Variants in FER observed in about 807,000 individuals in gnomAD.
FER encodes FER tyrosine kinase, also known as tyrosine-protein kinase Fer.
A neutral mutation model predicts 111.0 loss-of-function variants in FER; 63 were observed. The observed-to-expected ratio is 0.57, with a 90% confidence interval of 0.46 to 0.70. The LOEUF (loss-of-function observed/expected upper bound fraction) is 0.70, where lower values mean the gene tolerates loss of function less well. Among genes scored for constraint, FER ranks in the 30% least tolerant of loss-of-function variants. The pLI, the probability that FER is intolerant of heterozygous loss-of-function variation, is 0.00. For synonymous variants in FER, 327 were observed against 313.9 expected (o/e 1.04, Z -0.44); for missense variants, 914 against 954.0 (o/e 0.96, Z 0.55).
intron 13 of FER, among the ~76,000 whole-genome samples, chr5:108,993,266 C>T (rs191075230): frequency 8.5e-5 from 13 of 152,348 alleles, no homozygotes; most frequent in South Asian, 2.1e-4. Flanking sequence ...ACTGAGTGAA[C>T]GAGACTCTGT....
At chr5:109,145,958 G>A (rs1172469697) in intron 17 of FER, among the ~76,000 whole-genome samples, 1 of 150,864 alleles carries the variant, frequency 6.6e-6, no homozygotes, top group African/African-American at 2.4e-5. Context: ...CCAGAATTTT[G>A]CATGAATAAT....
intron 8 of FER, among the ~76,000 whole-genome samples, chr5:108,880,401 G>A (rs2150277169): frequency 6.6e-6 from 1 of 152,190 alleles, no homozygotes; most frequent in African/African-American, 2.4e-5. Flanking sequence ...AAAGTGGTTG[G>A]GACAGATTCT....
At chr5:108,824,849 C>T (rs977288052) in intron 3 of FER, among the ~76,000 whole-genome samples, 10 of 152,014 alleles carry the variant, frequency 6.6e-5, no homozygotes, top group East Asian at 3.9e-4. Context: ...TCCTAAGCGT[C>T]GGCTGGCTTG....
intron 9 of FER, chr5:108,894,229 A>G (rs959877549): frequency 6.5e-5 from 19 of 291,176 alleles, no homozygotes; most frequent in Non-Finnish European, 1.1e-4. Flanking sequence ...AAACCCCACA[A>G]AACGATCATT....
chr5:108,977,848 CTT>C (rs1467118268), intron 13 of FER, among the ~76,000 whole-genome samples: 1 of 151,998 alleles, frequency 6.6e-6, no homozygotes, highest in Non-Finnish European at 1.5e-5. Flanking sequence ...CTGTTTCTCT[CTT>C]CTCTCTCTTT....
intron 13 of FER, among the ~76,000 whole-genome samples, chr5:108,983,796 T>G (rs1214004147): frequency 6.6e-6 from 1 of 152,160 alleles, no homozygotes; most frequent in Non-Finnish European, 1.5e-5. Context: ...TCAGCTAAAA[T>G]GCACTACCCA....
chr5:108,978,786 A>G (rs143259342), intron 13 of FER, among the ~76,000 whole-genome samples: 339 of 152,322 alleles, frequency 2.2e-3, no homozygotes, highest in African/African-American at 7.6e-3. Flanking sequence ...GAATATTATA[A>G]TTAATAAGTC....
intron 8 of FER, among the ~76,000 whole-genome samples, chr5:108,873,296 C>A (rs1764778813): frequency 6.6e-6 from 1 of 151,990 alleles, no homozygotes; most frequent in African/African-American, 2.4e-5. Context: ...GCATGTGCCA[C>A]CATGCCTGGC....
intron 13 of FER, among the ~76,000 whole-genome samples, chr5:108,973,070 G>A (rs2149702356): frequency 6.6e-6 from 1 of 152,142 alleles, no homozygotes; most frequent in South Asian, 2.1e-4. Flanking sequence ...TTGACACCTT[G>A]ATGAGATTTC....
chr5:109,050,198 A>G (rs1040225543), intron 16 of FER, among the ~76,000 whole-genome samples: 2 of 100,492 alleles, frequency 2.0e-5, no homozygotes, highest in East Asian at 4.4e-4. Context: ...GCTATATCCT[A>G]AAAAAAAGAG....
At chr5:109,123,890 T>C (rs1328363181) in intron 17 of FER, among the ~76,000 whole-genome samples, 2 of 152,220 alleles carry the variant, frequency 1.3e-5, no homozygotes, top group African/African-American at 4.8e-5. Flanking sequence ...TGTTGTTCTA[T>C]GTTTACATTT....
chr5:108,971,072 A>C (rs1159829862), intron 13 of FER, among the ~76,000 whole-genome samples: 1 of 152,138 alleles, frequency 6.6e-6, no homozygotes, highest in Non-Finnish European at 1.5e-5. Context: ...GGAAGAAGTT[A>C]AGGAATTCAT....
chr5:108,802,979 G>A (rs1304258193), intron 3 of FER, among the ~76,000 whole-genome samples: 3 of 151,954 alleles, frequency 2.0e-5, no homozygotes, highest in East Asian at 1.9e-4. Flanking sequence ...AAGTGTTCCC[G>A]TCTCTCCACA....
At chr5:108,956,090 C>T (rs562336090) in intron 12 of FER, among the ~76,000 whole-genome samples, 61 of 151,796 alleles carry the variant, frequency 4.0e-4, no homozygotes, top group African/African-American at 1.4e-3. Flanking sequence ...CAGACCTCAA[C>T]TTGATAATCA....
intron 17 of FER, among the ~76,000 whole-genome samples, chr5:109,127,595 C>T (rs767317254): frequency 1.3e-5 from 2 of 151,784 alleles, no homozygotes; most frequent in Non-Finnish European, 2.9e-5. Flanking sequence ...TTATTAGAGA[C>T]GGGGTTTCAC....
At chr5:109,072,446 G>A (rs1775878190) in intron 16 of FER, among the ~76,000 whole-genome samples, 1 of 151,570 alleles carries the variant, frequency 6.6e-6, no homozygotes, top group South Asian at 2.1e-4. Context: ...ATCCCTCTGG[G>A]TTTGTTCCCA....
intron 13 of FER, among the ~76,000 whole-genome samples, chr5:109,031,356 T>G (rs1163546685): frequency 6.6e-6 from 1 of 152,156 alleles, no homozygotes; most frequent in Non-Finnish European, 1.5e-5. Flanking sequence ...ATAGCTATAA[T>G]ACTTTCCTGT....
chr5:108,769,588 A>G (rs989071898), intron 2 of FER, among the ~76,000 whole-genome samples: 1 of 152,174 alleles, frequency 6.6e-6, no homozygotes, highest in African/African-American at 2.4e-5. Flanking sequence ...GATGGCCTGC[A>G]TGATGGTTGT....
chr5:108,966,388 CTTTT>C (rs34899054), intron 13 of FER, among the ~76,000 whole-genome samples: 2 of 124,974 alleles, frequency 1.6e-5, no homozygotes, highest in Middle Eastern at 3.8e-3. Context: ...TTTTTCTTTT[CTTTT>C]TTTTTTTTTT....
Sources: gnomAD v4.1 joint callset for allele counts (sites outside exome capture counted in the v4.1 genomes callset) on GRCh38, gnomAD v4.1.1 for gene constraint, MANE v1.5 for transcripts, NCBI Gene and HGNC (gene_info 2026-07-23, HGNC 2026-07-21) for gene names.